DFFA: variants seen among roughly 807,000 people sequenced by gnomAD.
DFFA encodes the protein DFF45.
In DFFA, 14 loss-of-function variants were observed where a neutral mutation model predicts 28.0. The ratio of observed to expected loss-of-function variants is 0.50; its 90% CI spans 0.33 to 0.78. The LOEUF is 0.78. Ranked by LOEUF, DFFA falls within the 30% of genes least tolerant of loss-of-function variation. DFFA has a pLI of 0.02. For synonymous variants in DFFA, 158 were observed against 170.3 expected, an observed-to-expected ratio of 0.93 and a Z score of 0.56; for missense variants, 395 against 407.1, an observed-to-expected ratio of 0.97 and a Z score of 0.26.
Position 10,463,176 on chromosome 1 carries a change from G to A in DFFA, c.665C>T (p.Ala222Val), listed in dbSNP as rs1257719445. The A allele has an allele frequency of 6.2e-7, 1 of 1,614,146 alleles. No individual in the cohort carries two copies. The highest frequency in any genetic ancestry group is 8.5e-7 in the Non-Finnish European group (1 of 1,180,018). ...SKAAFGEEVD[A>V]VDTGISRETS... is the part of the protein sequence containing the mutation. Reference sequence around the variant, plus strand: ...CTCTCTGCTGATACCCGTGTCTACTGCATCCACCTCCTCACCAAAGGCAGC... The same window carrying A: ...CTCTCTGCTGATACCCGTGTCTACTACATCCACCTCCTCACCAAAGGCAGC... The change falls in exon 5 of 6, where the codon GCA (alanine) becomes GTA (valine). Residue 222 changes from alanine to valine, a missense_variant. Ala to Val is a moderately conservative substitution (Grantham distance 64). Coordinates refer to ENST00000377038, the MANE Select transcript of DFFA (RefSeq NM_004401.3).
intron 3 of DFFA, among the ~76,000 whole-genome samples, chr1:10,466,061 T>G (rs1557794623): frequency 6.6e-6 from 1 of 151,780 alleles, no homozygotes; most frequent in African/African-American, 2.4e-5. Flanking sequence ...GGTGGGAGGA[T>G]GGCTTGAGCC....
chr1:10,461,946 C>G (rs997301283), intron 5 of DFFA: 1 of 783,156 alleles, frequency 1.3e-6, no homozygotes, highest in Non-Finnish European at 1.5e-6. Flanking sequence ...GCTCCGCCTC[C>G]CGGATTCACG....
rs1432400300 is a variant in DFFA, at chr1:10,463,508, A to G, written c.554T>C (p.Val185Ala). 1 of 1,614,050 alleles carries G rather than the reference A, an allele frequency of 6.2e-7. No homozygotes were observed. Among genetic ancestry groups the G allele is most frequent in the Non-Finnish European group, 8.5e-7 (1 of 1,180,020 alleles). Residue 185 changes from valine (V) to alanine (A), a missense_variant, in exon 4 of 6, where the codon GTG becomes GCG. Transcript: ENST00000377038. ...LQQVLDQREE[V>A]RQSKQLLQLY... is the part of the protein sequence containing the mutation. ...CTGCAGGAGCTGCTTGGACTGACGC[A>G]CTTCCTCTCTTTGGTCAAGCACCTG...
rs756206412 is a variant in DFFA, at chr1:10,472,498, G to A, written c.-40C>T. 10 of 1,552,674 alleles carry A rather than the reference G, an allele frequency of 6.4e-6. No homozygotes were observed. The Admixed American group carries it at 1.9e-4, about 29-fold the overall frequency. The stretch of plus-strand genomic sequence containing the variant: ...GACCTGCCCACCTTCGAGAAGTCGC[G>A]GGAGGCCGGAGCGGCGGTCCTTCTA... On this transcript the variant is annotated 5_prime_UTR_variant, in exon 1 of 6. Coordinates refer to ENST00000377038, the MANE Select transcript of DFFA (RefSeq NM_004401.3). This position sits in a 1 kb window ranked among gnomAD's most constrained non-coding sequence, Gnocchi z 5.0.
chr1:10,463,321 C>T (rs1640976241), intron 4 of DFFA, 110 bp downstream of exon 4: 1 of 1,545,420 alleles, frequency 6.5e-7, no homozygotes, highest in South Asian at 1.2e-5. Context: ...TCCCGCATCC[C>T]AGCAGCCGCG....
chr1:10,462,829 G>A, intron 5 of DFFA: 1 of 1,381,794 alleles, frequency 7.2e-7, no homozygotes, highest in Non-Finnish European at 9.4e-7. Flanking sequence ...ACCAACCTTG[G>A]ACCAGAGTCT....
In DFFA at chr1:10,463,479, A is replaced by G; in HGVS notation, c.583T>C (p.Tyr195His). Residue 195 changes from tyrosine (Y) to histidine (H), a missense_variant, in exon 4 of 6, where the codon TAC becomes CAC. Transcript: ENST00000377038. Reference protein sequence around the residue: ...VRQSKQLLQLYLQALEKEGSL... With the variant: ...VRQSKQLLQLHLQALEKEGSL... ...CCCTCTTTCTCCAAAGCCTGGAGGT[A>G]CAGCTGCAGGAGCTGCTTGGACTGA... 1 of 1,614,102 alleles carries G rather than the reference A, an allele frequency of 6.2e-7. No individual in the cohort carries two copies. The highest frequency in any genetic ancestry group is 8.5e-7 in the Non-Finnish European group (1 of 1,180,036).
Position 10,472,478 on chromosome 1 carries a change from GC to G in DFFA, c.-21del, listed in dbSNP as rs781616417. 1.1e-5 allele frequency: 17 copies of G among 1,577,036 alleles called. No homozygotes were observed. The highest frequency in any genetic ancestry group is 2.7e-5 in the African/African-American group (2 of 73,426). On this transcript the variant is annotated 5_prime_UTR_variant, in exon 1 of 6. Coordinates refer to ENST00000377038, the MANE Select transcript of DFFA (RefSeq NM_004401.3). This position sits in a 1 kb window ranked among gnomAD's most constrained non-coding sequence, Gnocchi z 5.0. ...CTCCATCCTCCACAAGGTGGGACCT[GC>G]CCACCTTCGAGAAGTCGCGGGAGGC...
chr1:10,462,102 C>T (rs1289477469), intron 5 of DFFA, among the ~76,000 whole-genome samples: 3 of 152,216 alleles, frequency 2.0e-5, no homozygotes, highest in Non-Finnish European at 4.4e-5. Context: ...TTGTGATCCG[C>T]CCACCTTGGC....
At position 10,467,259 on chromosome 1, in the gene DFFA, C is replaced by G; in HGVS notation, c.372G>C (p.Trp124Cys). The G allele has an allele frequency of 6.2e-7, 1 of 1,614,140 alleles. No homozygotes were observed. The highest frequency in any genetic ancestry group is 8.5e-7 in the Non-Finnish European group (1 of 1,180,028). Residue 124 changes from tryptophan (W) to cysteine (C), a missense_variant, in exon 3 of 6, where the codon TGG becomes TGC. By Grantham distance (215) the Trp-to-Cys change is radical. Transcript: ENST00000377038. ...CTTTCAGCTGCCTGGCCACATTCTT[C>G]CACTTCAACCCTGCCCCGCTGTCTG... ...DETDSGAGLK[W>C]KNVARQLKED...
chr1:10,460,237 T>G lies in DFFA; in HGVS notation c.*1253A>C, dbSNP rs937051721. 6.6e-5 allele frequency: 10 copies of G among 151,562 alleles called. No homozygotes were observed. The highest frequency in any genetic ancestry group is 2.4e-4 in the African/African-American group (10 of 41,282). 9.4% of individuals were successfully genotyped at this position (151,562 alleles called of 1,614,324 possible). ...TCCAGACTAGGTGACAGAGTGAGACTCTGTCTCAAAAAAACAAAACAAAAC... is the reference window on the plus strand; with the variant it reads ...TCCAGACTAGGTGACAGAGTGAGACGCTGTCTCAAAAAAACAAAACAAAAC... On this transcript the variant is annotated 3_prime_UTR_variant, in exon 6 of 6. Transcript: ENST00000377038.
intron 1 of DFFA, among the ~76,000 whole-genome samples, chr1:10,470,105 C>T (rs546411314): frequency 3.9e-5 from 6 of 152,214 alleles, no homozygotes; most frequent in South Asian, 4.1e-4. Flanking sequence ...TGAGCAACCG[C>T]GCCTGGCCTA....
intron 3 of DFFA, among the ~76,000 whole-genome samples, chr1:10,465,871 T>C (rs1570106331): frequency 6.6e-6 from 1 of 151,662 alleles, no homozygotes; most frequent in South Asian, 2.1e-4. Context: ...TTTGTAGAGA[T>C]AGGGTTTTAC....
At chr1:10,471,052 C>T (rs1291110621) in intron 1 of DFFA, among the ~76,000 whole-genome samples, 1 of 113,016 alleles carries the variant, frequency 8.8e-6, no homozygotes, top group African/African-American at 3.4e-5. Context: ...GACAGAGTGA[C>T]ACTCCGTCTC....
chr1:10,459,246 G>A lies in DFFA; in HGVS notation c.*2244C>T, dbSNP rs1238566278. 1 of 152,158 alleles carries A rather than the reference G, an allele frequency of 6.6e-6. No individual in the cohort carries two copies. Among genetic ancestry groups the A allele is most frequent in the Non-Finnish European group, 1.5e-5 (1 of 68,042 alleles). The allele number at this position is 152,158 out of a possible 1,614,324, so 9.4% of individuals were successfully genotyped here. ...GCATGCATAAAAAGTGGTCAAATAAGTCCATGATGACTCATCACCTTTTCC... is the reference window on the plus strand; with the variant it reads ...GCATGCATAAAAAGTGGTCAAATAAATCCATGATGACTCATCACCTTTTCC... On this transcript the variant is annotated 3_prime_UTR_variant, in exon 6 of 6. Coordinates refer to ENST00000377038, the MANE Select transcript of DFFA (RefSeq NM_004401.3).
Position 10,458,188 on chromosome 1 carries a change from G to A in DFFA, c.*3302C>T, listed in dbSNP as rs1640885005. The A allele has an allele frequency of 1.3e-5, 2 of 152,198 alleles. No homozygotes were observed. Among genetic ancestry groups the A allele is most frequent in the South Asian group, 4.1e-4 (2 of 4,820 alleles). 9.4% of individuals were successfully genotyped at this position (152,198 alleles called of 1,614,324 possible). Reference sequence around the variant, plus strand: ...AATCAGCCTCTGTCGGATGCACAGCGATTCCGTGTGTAAGTGCAAGCATCT... The same window carrying A: ...AATCAGCCTCTGTCGGATGCACAGCAATTCCGTGTGTAAGTGCAAGCATCT... On this transcript the variant is annotated 3_prime_UTR_variant, in exon 6 of 6. Coordinates refer to ENST00000377038, the MANE Select transcript of DFFA (RefSeq NM_004401.3).
In DFFA at chr1:10,472,258, C is replaced by A; in HGVS notation, c.136+65G>T. On this transcript the variant is annotated intron_variant, in intron 1 of 5. Coordinates refer to ENST00000377038, the MANE Select transcript of DFFA (RefSeq NM_004401.3). This position sits in a 1 kb window ranked among gnomAD's most constrained non-coding sequence, Gnocchi z 5.0. ...AGTCGCCTCTCCTGACCCCGCCTCGCCCCCGCCGGACGTCCTCACCCGGCC... is the reference window on the plus strand; with the variant it reads ...AGTCGCCTCTCCTGACCCCGCCTCGACCCCGCCGGACGTCCTCACCCGGCC... The A allele has an allele frequency of 1.3e-6, 2 of 1,500,332 alleles. No homozygotes were observed. The highest frequency in any genetic ancestry group is 4.3e-5 in the Admixed American group (2 of 46,206). 92.9% of individuals were successfully genotyped at this position (1,500,332 alleles called of 1,614,324 possible).
At position 10,472,517 on chromosome 1, in the gene DFFA, C is replaced by T. The variant is rs1641115913; in HGVS notation, c.-59G>A. 3 of 1,533,958 alleles carry T rather than the reference C, an allele frequency of 2.0e-6. No individual in the cohort carries two copies. The highest frequency in any genetic ancestry group is 8.8e-7 in the Non-Finnish European group (1 of 1,132,582). On this transcript the variant is annotated 5_prime_UTR_variant, in exon 1 of 6. Transcript: ENST00000377038. This position sits in a 1 kb window ranked among gnomAD's most constrained non-coding sequence, Gnocchi z 5.0. Reference sequence around the variant, plus strand: ...AGTCGCGGGAGGCCGGAGCGGCGGTCCTTCTACTCGACCCCCTTCCGCAGC... The same window carrying T: ...AGTCGCGGGAGGCCGGAGCGGCGGTTCTTCTACTCGACCCCCTTCCGCAGC...
intron 5 of DFFA, 193 bp downstream of exon 5, chr1:10,462,865 C>G: frequency 7.1e-7 from 1 of 1,416,288 alleles, no homozygotes; most frequent in Non-Finnish European, 9.2e-7. Flanking sequence ...GAAGTGTATG[C>G]ATTTTTCTTT....
Sources: allele counts gnomAD v4.1 joint callset (sites outside exome capture counted in the v4.1 genomes callset), GRCh38; gene constraint gnomAD v4.1.1; non-coding constraint Gnocchi (gnomAD v3.1); transcripts MANE v1.5; gene names NCBI Gene and HGNC (gene_info 2026-07-23, HGNC 2026-07-21).